Variants in BRF1 observed in about 807,000 individuals in gnomAD.
BRF1 encodes the protein BRF1 general transcription factor IIIB subunit.
In BRF1, 59 loss-of-function variants were observed where a neutral mutation model predicts 81.7. That is an observed-to-expected ratio of 0.72 (90% CI 0.59 to 0.90). The LOEUF (loss-of-function observed/expected upper bound fraction) is 0.90, where lower values mean the gene tolerates loss of function less well. Ranked by LOEUF, BRF1 falls within the 40% of genes least tolerant of loss-of-function variation. The pLI, the probability that BRF1 is intolerant of heterozygous loss-of-function variation, is 0.00. For missense variants in BRF1, 1,050 were observed against 936.3 expected (o/e 1.12, Z -1.58); for synonymous variants, 491 against 395.6 (o/e 1.24, Z -2.86).
chr14:105,260,374 AT>A (rs1160851929), intron 3 of BRF1, among the ~76,000 whole-genome samples: 68 of 146,826 alleles, frequency 4.6e-4, no homozygotes, highest in East Asian at 5.9e-4. Flanking sequence ...AGGTGTTCGA[AT>A]TTTTTTTTTT....
rs587700330 is a variant in BRF1 at position 105,246,338 on chromosome 14, C to T, written c.545-4924G>A. 3.3e-5 allele frequency among the ~76,000 whole-genome samples: 5 copies of T among 152,146 alleles called. No homozygotes were observed. The East Asian group carries it at 9.7e-4, about 30-fold the overall frequency. ...TTATCAGGGACATGCAAATCAAAACCACATGACACTACCTCATGTCCATTA... is the reference window on the plus strand; with the variant it reads ...TTATCAGGGACATGCAAATCAAAACTACATGACACTACCTCATGTCCATTA... On this transcript the variant is annotated intron_variant, in intron 5 of 17. Coordinates refer to ENST00000547530, the MANE Select transcript of BRF1 (RefSeq NM_001519.4).
chr14:105,218,997 C>A lies in BRF1; in HGVS notation c.1515+1G>T. Reference sequence around the variant, plus strand: ...CCAGGCCCAGCGTCACAGGCGCCCACCTTGTGTTCCTTGTAGATGCCGAGC... The same window carrying A: ...CCAGGCCCAGCGTCACAGGCGCCCAACTTGTGTTCCTTGTAGATGCCGAGC... On this transcript the variant is annotated splice_donor_variant, in intron 14 of 17. Transcript: ENST00000547530. LOFTEE classifies it high-confidence loss of function. The A allele has an allele frequency of 1.9e-6, 3 of 1,613,880 alleles. No homozygotes were observed. Among genetic ancestry groups the A allele is most frequent in the Non-Finnish European group, 2.5e-6 (3 of 1,180,012 alleles).
chr14:105,256,465 A>T, intron 4 of BRF1, 53 bp downstream of exon 4: 1 of 1,613,824 alleles, frequency 6.2e-7, no homozygotes, highest in Non-Finnish European at 8.5e-7. Context: ...CCTGGTCACA[A>T]CCCCCAGGTC....
chr14:105,298,123 C>G (rs1437357744), intron 1 of BRF1, among the ~76,000 whole-genome samples: 2 of 152,212 alleles, frequency 1.3e-5, no homozygotes, highest in Admixed American at 6.5e-5. Context: ...GATGCTTAAC[C>G]AGTAATTATA....
intron 1 of BRF1, among the ~76,000 whole-genome samples, chr14:105,310,018 T>C (rs2058304204): frequency 1.3e-5 from 2 of 151,454 alleles, no homozygotes; most frequent in Admixed American, 6.6e-5. Context: ...ACTCCTGACC[T>C]GGAGATCCAC....
chr14:105,291,225 C>T (rs1202764995), intron 1 of BRF1, among the ~76,000 whole-genome samples: 2 of 152,084 alleles, frequency 1.3e-5, no homozygotes, highest in Admixed American at 6.5e-5. Context: ...CACCTCTGAG[C>T]TCCGACAAAG....
At chr14:105,253,624 C>T (rs2055726037) in intron 4 of BRF1, among the ~76,000 whole-genome samples, 2 of 152,250 alleles carry the variant, frequency 1.3e-5, no homozygotes, top group South Asian at 4.1e-4. Context: ...GAGACAGAGG[C>T]AAGAGCCAGA....
chr14:105,212,027 T>A, intron 16 of BRF1, 86 bp downstream of exon 16: 1 of 1,552,818 alleles, frequency 6.4e-7, no homozygotes, highest in East Asian at 2.4e-5. Flanking sequence ...CTGCTCTCCC[T>A]GTGGTCACAG....
At chr14:105,211,095 C>A in intron 17 of BRF1, 27 bp downstream of exon 17, 1 of 1,610,428 alleles carries the variant, frequency 6.2e-7, no homozygotes, top group Non-Finnish European at 8.5e-7. Context: ...TCCCTTGAAC[C>A]CCTCCCTGTT....
chr14:105,295,517 A>G (rs1057427632), intron 1 of BRF1, among the ~76,000 whole-genome samples: 9 of 151,964 alleles, frequency 5.9e-5, no homozygotes, highest in African/African-American at 2.2e-4. Context: ...CTGAGCTGGG[A>G]GGGTCACTGG....
intron 1 of BRF1, among the ~76,000 whole-genome samples, chr14:105,294,329 G>A (rs2057645411): frequency 6.6e-6 from 1 of 152,230 alleles, no homozygotes; most frequent in Non-Finnish European, 1.5e-5. Context: ...CGCTGGCTCT[G>A]AGCTTGTTCT....
chr14:105,219,199 C>A lies in BRF1; in HGVS notation c.1411G>T (p.Ala471Ser), dbSNP rs765389823. Residue 471 changes from alanine to serine, a missense_variant, in exon 13 of 18, where the codon GCC becomes TCC. By Grantham distance (99) the Ala-to-Ser change is moderately conservative (BLOSUM62 1). Transcript: ENST00000547530. Reference sequence around the variant, plus strand: ...GCGTTCTCCCTCATCCACAGCTCGGCCTTCACGCGGGCTTCCGACTCATTC... The same window carrying A: ...GCGTTCTCCCTCATCCACAGCTCGGACTTCACGCGGGCTTCCGACTCATTC... ...ILNESEARVK[A>S]ELWMRENAEY... 1.9e-6 allele frequency: 3 copies of A among 1,612,586 alleles called. No homozygotes were observed. The highest frequency in any genetic ancestry group is 1.1e-5 in the South Asian group (1 of 91,070).
rs2141486117 is a variant in BRF1, at chr14:105,221,667, G to A, written c.1296C>T (p.Ser432=). 6.2e-7 allele frequency: 1 copy of A among 1,611,470 alleles called. No individual in the cohort carries two copies. Among genetic ancestry groups the A allele is most frequent in the South Asian group, 1.1e-5 (1 of 91,004 alleles). Residue 432 remains serine, a synonymous_variant, in exon 11 of 18, where the codon TCC becomes TCT. Transcript: ENST00000547530. ...GISDSIRECI[S]SQSSDPKDAS... ...ACTCACTGGGGTCGCTGCTCTGAGA[G>A]GAGATGCATTCGCGGATGGAGTCTG...
rs1203800045 is a variant in BRF1, at chr14:105,226,302, C to A, written c.916-12G>T. ...AGGACTTGTTCAAGCTGAAAGGGAA[C>A]AGGGCAAGAGGCTTCGTGAAGGGAG... On this transcript the variant is annotated splice_polypyrimidine_tract_variant and intron_variant, in intron 8 of 17. Transcript: ENST00000547530. 4 of 1,613,996 alleles carry A rather than the reference C, an allele frequency of 2.5e-6. No homozygotes were observed. Among genetic ancestry groups the A allele is most frequent in the Non-Finnish European group, 3.4e-6 (4 of 1,180,008 alleles).
Position 105,220,113 on chromosome 14 carries a change from C to A in BRF1, c.1333G>T (p.Gly445Cys). Residue 445 changes from glycine to cysteine, a missense_variant, in exon 12 of 18, where the codon GGT (glycine) becomes TGT (cysteine). Around this residue, in one of 2 missense-constraint regions of BRF1, gnomAD observed 1,043 missense variants for 915.4 expected, o/e 1.14. Coordinates refer to ENST00000547530, the MANE Select transcript of BRF1 (RefSeq NM_001519.4). ...SSDPKDASGD[G>C]ELDLSGIDDL... ...TCAATGCCACTGAGGTCCAGCTCACCGTCTCCTGAAGCATCTTCTGGAGGG... is the reference window on the plus strand; with the variant it reads ...TCAATGCCACTGAGGTCCAGCTCACAGTCTCCTGAAGCATCTTCTGGAGGG... 6.2e-7 allele frequency: 1 copy of A among 1,613,498 alleles called. No homozygotes were observed. The highest frequency in any genetic ancestry group is 8.5e-7 in the Non-Finnish European group (1 of 1,180,010).
intron 5 of BRF1, chr14:105,250,014 T>C: frequency 6.2e-7 from 1 of 1,612,882 alleles, no homozygotes; most frequent in Non-Finnish European, 8.5e-7. Context: ...GGGCTGCCAA[T>C]CACCCCACGA....
chr14:105,261,964 C>T (rs746748575), intron 3 of BRF1, among the ~76,000 whole-genome samples: 5 of 152,256 alleles, frequency 3.3e-5, no homozygotes, highest in Non-Finnish European at 5.9e-5. Flanking sequence ...TGCTCCTCAC[C>T]GGCAGCCAAC....
chr14:105,269,125 G>T lies in BRF1; in HGVS notation c.439+3596C>A, dbSNP rs1353831554. Among the ~76,000 whole-genome samples the T allele has an allele frequency of 2.0e-5, 3 of 151,984 alleles. No homozygotes were observed. Among genetic ancestry groups the T allele is most frequent in the African/African-American group, 7.3e-5 (3 of 41,374 alleles). ...AGACGTGTCCAGGATGGGTCTGGGG[G>T]CTCTGGCTGGCAGGCCTAGGGCACG... On this transcript the variant is annotated intron_variant, in intron 3 of 17. Coordinates refer to ENST00000547530, the MANE Select transcript of BRF1 (RefSeq NM_001519.4). The surrounding 1 kb of genome is among the most constrained non-coding windows in gnomAD (Gnocchi z 5.0).
At position 105,248,414 on chromosome 14, in the gene BRF1, A is replaced by T. The variant is rs2735818; in HGVS notation, c.544+4093T>A. ...GCGCCGGGAGCCGCCTTCCACGGCT[A>T]CCTCTGCACAGCGCGCGGCTCGCGC... On this transcript the variant is annotated intron_variant, in intron 5 of 17. Coordinates refer to ENST00000547530, the MANE Select transcript of BRF1 (RefSeq NM_001519.4). 8.6e-4 allele frequency: 844 copies of T among 985,312 alleles called. 6 individuals carry two copies. In the African/African-American group the frequency reaches 0.014, roughly 16 times the overall value. 61.0% of individuals were successfully genotyped at this position (985,312 alleles called of 1,614,324 possible).
Sources: gnomAD v4.1 joint callset for allele counts (sites outside exome capture counted in the v4.1 genomes callset) on GRCh38, gnomAD v4.1.1 for gene constraint, gnomAD v4.1.1 regional missense constraint, Gnocchi (gnomAD v3.1) non-coding constraint, MANE v1.5 for transcripts, NCBI Gene and HGNC (gene_info 2026-07-23, HGNC 2026-07-21) for gene names.